LOXL4: variants seen among roughly 807,000 people sequenced by gnomAD.
LOXL4 encodes lysyl oxidase homolog 4.
In LOXL4, 72 loss-of-function variants were observed where a neutral mutation model predicts 89.1. The observed-to-expected ratio is 0.81, with a 90% CI of 0.67 to 0.98. LOXL4 has a LOEUF of 0.98. Ranked by LOEUF, LOXL4 falls within the 50% of genes least tolerant of loss-of-function variation. LOXL4 has a pLI of 0.00. For synonymous variants in LOXL4, 355 were observed against 392.1 expected (o/e 0.91, Z 1.12); for missense variants, 984 against 1,017.5 (o/e 0.97, Z 0.45).
chr10:98,251,916 G>A (rs1858203876), intron 12 of LOXL4: 1 of 596,018 alleles, frequency 1.7e-6, no homozygotes, highest in Non-Finnish European at 2.9e-6. Context: ...GTTGAACTAG[G>A]AACTGTGGTT....
chr10:98,250,820 C>CA (rs1325139553), intron 14 of LOXL4, among the ~76,000 whole-genome samples: 1 of 152,152 alleles, frequency 6.6e-6, no homozygotes, highest in Admixed American at 6.5e-5. Context: ...AGTTTACAAT[C>CA]AAACAGCCTT....
In LOXL4 at chr10:98,260,935, T is replaced by C. The variant is rs1014824993; in HGVS notation, c.649A>G (p.Ser217Gly). 1 of 1,611,176 alleles carries C rather than the reference T, an allele frequency of 6.2e-7. No individual in the cohort carries two copies. Among genetic ancestry groups the C allele is most frequent in the Non-Finnish European group, 8.5e-7 (1 of 1,179,128 alleles). ...LGFPSEVPVDSHYYRKVWDLK... is the reference protein window; with the variant it reads ...LGFPSEVPVDGHYYRKVWDLK... ...CCGCCCTCCTACCTGTAGTAGTGGC[T>C]GTCGACAGGCACCTCGCTGGGGAAG... Residue 217 changes from serine (S) to glycine (G), a missense_variant, in exon 4 of 15, where the codon AGC (serine) becomes GGC (glycine). Ser to Gly is a moderately conservative substitution (Grantham distance 56). Coordinates refer to ENST00000260702, the MANE Select transcript of LOXL4 (RefSeq NM_032211.7).
chr10:98,250,485 T>C (rs1411552624), intron 14 of LOXL4, among the ~76,000 whole-genome samples: 1 of 152,178 alleles, frequency 6.6e-6, no homozygotes, highest in African/African-American at 2.4e-5. Context: ...TGAATGCATA[T>C]CCCATAGCAA....
intron 1 of LOXL4, among the ~76,000 whole-genome samples, chr10:98,267,774 G>A (rs548558971): frequency 6.6e-6 from 1 of 152,294 alleles, no homozygotes; most frequent in East Asian, 1.9e-4. Flanking sequence ...TGTCCCCCAA[G>A]TCGTAAGTGT....
rs2135819188 is a variant in LOXL4, at chr10:98,248,537, C to T, written c.*384G>A. On this transcript the variant is annotated 3_prime_UTR_variant, in exon 15 of 15. Transcript: ENST00000260702. ...GTATTTTGGTCCTCTGTCCTATACT[C>T]CTCCAAGACATTTGCAAAGCACCAC... 4.7e-6 allele frequency: 1 copy of T among 210,618 alleles called. No homozygotes were observed. 13.0% of individuals were successfully genotyped at this position (210,618 alleles called of 1,614,324 possible).
chr10:98,257,491 T>C (rs1858411910), intron 8 of LOXL4, among the ~76,000 whole-genome samples, 159 bp downstream of exon 8: 1 of 152,136 alleles, frequency 6.6e-6, no homozygotes, highest in Admixed American at 6.5e-5. Context: ...TCGGAGGGGC[T>C]GCAGCCAGGT....
Position 98,262,172 on chromosome 10 carries a change from T to C in LOXL4, c.319A>G (p.Ser107Gly), listed in dbSNP as rs1218216808. 5.0e-6 allele frequency: 8 copies of C among 1,613,542 alleles called. No homozygotes were observed. Among genetic ancestry groups the C allele is most frequent in the Middle Eastern group, 1.6e-4 (1 of 6,084 alleles). ...LDNVRCVGTE[S>G]SLDQCGSNGW... ...TTAGACCCGCACTGGTCCAAGGAGC[T>C]CTCTGTGCCCACACAGCGCACATTG... The change falls in exon 3 of 15, where the codon AGC (serine) becomes GGC (glycine). Residue 107 changes from serine to glycine, a missense_variant. Physicochemically the swap from Ser to Gly is moderately conservative, Grantham distance 56. Coordinates refer to ENST00000260702, the MANE Select transcript of LOXL4 (RefSeq NM_032211.7).
At position 98,256,925 on chromosome 10, in the gene LOXL4, A is replaced by G. The variant is rs1858384239; in HGVS notation, c.1283T>C (p.Ile428Thr). 1 of 1,613,948 alleles carries G rather than the reference A, an allele frequency of 6.2e-7. No homozygotes were observed. Among genetic ancestry groups the G allele is most frequent in the South Asian group, 1.1e-5 (1 of 91,076 alleles). Reference sequence around the variant, plus strand: ...CACCTCCAATAGCCCCTCCTCAGGGATACGCCCACCAGCCAAGCGCACCTG... The same window carrying G: ...CACCTCCAATAGCCCCTCCTCAGGGGTACGCCCACCAGCCAAGCGCACCTG... ...QNQVRLAGGRIPEEGLLEVQV... is the reference protein window; with the variant it reads ...QNQVRLAGGRTPEEGLLEVQV... Residue 428 changes from isoleucine to threonine, a missense_variant, in exon 9 of 15, where the codon ATC becomes ACC. Coordinates refer to ENST00000260702, the MANE Select transcript of LOXL4 (RefSeq NM_032211.7).
rs1397982831 is a variant in LOXL4, at chr10:98,259,034, G to C, written c.896C>G (p.Pro299Arg). The stretch of plus-strand genomic sequence containing the variant: ...CTCTGCCCAGGACCCTTTGCGTTGT[G>C]GCTTTGTCTTCGGTGGGCGGAAGTG... ...GPHFRPPKTK[P>R]QRKGSWAEEP... The change falls in exon 6 of 15, where the codon CCA becomes CGA. Residue 299 changes from proline to arginine, a missense_variant. Coordinates refer to ENST00000260702, the MANE Select transcript of LOXL4 (RefSeq NM_032211.7). 3 of 1,556,510 alleles carry C rather than the reference G, an allele frequency of 1.9e-6. No homozygotes were observed. The highest frequency in any genetic ancestry group is 3.9e-5 in the Admixed American group (2 of 51,798).
At chr10:98,255,408 T>C (rs577446223) in intron 10 of LOXL4, among the ~76,000 whole-genome samples, 169 bp downstream of exon 10, 1 of 152,204 alleles carries the variant, frequency 6.6e-6, no homozygotes, top group East Asian at 1.9e-4. Flanking sequence ...GGGCAGGGTA[T>C]GGATCCTGAT....
intron 14 of LOXL4, among the ~76,000 whole-genome samples, chr10:98,250,030 C>T (rs1190648821): frequency 6.6e-6 from 1 of 152,188 alleles, no homozygotes; most frequent in African/African-American, 2.4e-5. Context: ...TCACAACCCT[C>T]CCTGCAAAAA....
rs1210769873 is a variant in LOXL4 at position 98,251,134 on chromosome 10, A to G, written c.2131T>C (p.Ser711Pro). The G allele has an allele frequency of 1.2e-6, 2 of 1,614,110 alleles. No homozygotes were observed. Among genetic ancestry groups the G allele is most frequent in the South Asian group, 2.2e-5 (2 of 91,066 alleles). ...CAGCGGCACTGCAGCATATTGTTGGAGAAATCTGACTCTGCCACTTCATAG... is the reference window on the plus strand; with the variant it reads ...CAGCGGCACTGCAGCATATTGTTGGGGAAATCTGACTCTGCCACTTCATAG... ...PHYEVAESDF[S>P]NNMLQCRCKY... Residue 711 changes from serine (S) to proline (P), a missense_variant, in exon 14 of 15, where the codon TCC becomes CCC. By Grantham distance (74) the Ser-to-Pro change is moderately conservative. Coordinates refer to ENST00000260702, the MANE Select transcript of LOXL4 (RefSeq NM_032211.7).
chr10:98,263,735 T>TC (rs1218257661), intron 1 of LOXL4, among the ~76,000 whole-genome samples: 1 of 149,142 alleles, frequency 6.7e-6, no homozygotes, highest in Non-Finnish European at 1.5e-5. Flanking sequence ...TTTCTTTCTT[T>TC]TTTTTTTTTT....
Position 98,249,443 on chromosome 10 carries a change from G to A in LOXL4, c.2201-452C>T, listed in dbSNP as rs528113631. Among the ~76,000 whole-genome samples, 4 of 152,228 alleles carry A rather than the reference G, an allele frequency of 2.6e-5. No individual in the cohort carries two copies. The East Asian group carries it at 7.7e-4, about 29-fold the overall frequency. ...CTGGCAGTGATGGTCTGTGACTCCT[G>A]TTCCAGCTAGGTTCACCCTCCTTCA... On this transcript the variant is annotated intron_variant, in intron 14 of 14. Coordinates refer to ENST00000260702, the MANE Select transcript of LOXL4 (RefSeq NM_032211.7).
Position 98,261,031 on chromosome 10 carries a change from C to T in LOXL4, c.553G>A (p.Gly185Ser), listed in dbSNP as rs1459020336. ...TGGTCACACACCTGCCGCCAGTGGC[C>T]CTCATACTTCACCTCCACGGCTCCC... ...TEGAVEVKYEGHWRQVCDQGW... is the reference protein window; with the variant it reads ...TEGAVEVKYESHWRQVCDQGW... The change falls in exon 4 of 15, where the codon GGC (glycine) becomes AGC (serine). Residue 185 changes from glycine (G) to serine (S), a missense_variant. Gly to Ser is a moderately conservative substitution (Grantham distance 56, BLOSUM62 0). Coordinates refer to ENST00000260702, the MANE Select transcript of LOXL4 (RefSeq NM_032211.7). The T allele has an allele frequency of 1.2e-6, 2 of 1,614,074 alleles. No individual in the cohort carries two copies. Among genetic ancestry groups the T allele is most frequent in the East Asian group, 2.2e-5 (1 of 44,880 alleles).
Position 98,253,789 on chromosome 10 carries a change from T to G in LOXL4, c.1599A>C (p.Pro533=). The G allele has an allele frequency of 6.2e-7, 1 of 1,613,948 alleles. No homozygotes were observed. Among genetic ancestry groups the G allele is most frequent in the Non-Finnish European group, 8.5e-7 (1 of 1,179,998 alleles). The part of the protein sequence containing the change: ...LAGVSCMDSA[P]DLVMNAQLVQ... Reference sequence around the variant, plus strand: ...CTAGCTGGGCGTTCATCACCAGGTCTGGTGCACCTGGGGCGGCGGAGGGCA... The same window carrying G: ...CTAGCTGGGCGTTCATCACCAGGTCGGGTGCACCTGGGGCGGCGGAGGGCA... Residue 533 remains proline, a synonymous_variant, in exon 11 of 15, where the codon CCA becomes CCC. Coordinates refer to ENST00000260702, the MANE Select transcript of LOXL4 (RefSeq NM_032211.7).
chr10:98,262,467 C>T (rs1858571796), intron 2 of LOXL4, among the ~76,000 whole-genome samples: 1 of 152,128 alleles, frequency 6.6e-6, no homozygotes, highest in Non-Finnish European at 1.5e-5. Context: ...ACCTGTTTGC[C>T]CATTTTTTCA....
At chr10:98,251,524 G>A (rs187623940) in intron 13 of LOXL4, 42 bp downstream of exon 13, 1 of 1,607,746 alleles carries the variant, frequency 6.2e-7, no homozygotes, top group Admixed American at 1.7e-5. Context: ...TGGAACATCT[G>A]GAGGAAATCA....
At chr10:98,255,523 G>A in intron 10 of LOXL4, 54 bp downstream of exon 10, 1 of 1,549,636 alleles carries the variant, frequency 6.5e-7, no homozygotes, top group Admixed American at 1.8e-5. Context: ...GGCCCTCCCT[G>A]AAGGGGAGCA....
Sources: allele counts gnomAD v4.1 joint callset (sites outside exome capture counted in the v4.1 genomes callset), GRCh38; gene constraint gnomAD v4.1.1; transcripts MANE v1.5; gene names NCBI Gene and HGNC (gene_info 2026-07-23, HGNC 2026-07-21).